Variants in RLBP1 observed in about 807,000 individuals in gnomAD.
RLBP1 encodes retinaldehyde-binding protein 1.
Under a neutral mutation model 36.2 loss-of-function variants are expected in RLBP1, and 26 were observed. That is an observed-to-expected ratio of 0.72 (90% CI 0.53 to 1.00). The LOEUF is 1.00. Ranked by LOEUF, RLBP1 falls within the 50% of genes least tolerant of loss-of-function variation. The pLI is 0.00. For synonymous variants in RLBP1, 155 were observed against 156.2 expected (o/e 0.99, Z 0.06); for missense variants, 410 against 402.4 (o/e 1.02, Z -0.16).
Position 89,209,933 on chromosome 15 carries a change from C to T in RLBP1, c.*352G>A, listed in dbSNP as rs910995022. On this transcript the variant is annotated 3_prime_UTR_variant, in exon 9 of 9. Coordinates refer to ENST00000268125, the MANE Select transcript of RLBP1 (RefSeq NM_000326.5). ...GAATAGGGGGATATTTTAACCCGGG[C>T]TCCTTGCCTGTTTTCACAGACTCTA... The T allele has an allele frequency of 1.5e-5, 5 of 334,976 alleles. No individual in the cohort carries two copies. The highest frequency in any genetic ancestry group is 4.4e-5 in the Admixed American group (1 of 22,850). 20.8% of individuals were successfully genotyped at this position (334,976 alleles called of 1,614,324 possible). A position where few individuals can be genotyped will look rare whatever the true frequency, so the allele number is the denominator to read the frequency against.
At chr15:89,213,120 TAGGCAG>T (rs2051552374) in intron 6 of RLBP1, among the ~76,000 whole-genome samples, 1 of 152,166 alleles carries the variant, frequency 6.6e-6, no homozygotes, top group Admixed American at 6.5e-5. Flanking sequence ...TACACACAGA[TAGGCAG>T]GTGTGCATTT....
Position 89,212,049 on chromosome 15 carries a change from T to C in RLBP1, c.526-148A>G, listed in dbSNP as rs1266052550. On this transcript the variant is annotated intron_variant, in intron 6 of 8. Coordinates refer to ENST00000268125, the MANE Select transcript of RLBP1 (RefSeq NM_000326.5). Reference sequence around the variant, plus strand: ...CGGACATTCCACTTCTGTGAATGTATACCAAGAAAACAAGTTCAAATGTCA... The same window carrying C: ...CGGACATTCCACTTCTGTGAATGTACACCAAGAAAACAAGTTCAAATGTCA... 7 of 843,432 alleles carry C rather than the reference T, an allele frequency of 8.3e-6. No homozygotes were observed. The African/African-American group carries it at 1.0e-4, about 12-fold the overall frequency. 52.2% of individuals were successfully genotyped at this position (843,432 alleles called of 1,614,324 possible).
intron 6 of RLBP1, among the ~76,000 whole-genome samples, chr15:89,212,736 A>ATT (rs111726236): frequency 2.6e-4 from 39 of 149,924 alleles, no homozygotes; most frequent in African/African-American, 7.6e-4. Flanking sequence ...TTTGTCTGTA[A>ATT]TTTTTTTTTT....
intron 5 of RLBP1, among the ~76,000 whole-genome samples, chr15:89,215,489 A>G (rs2051572930): frequency 6.6e-6 from 1 of 152,242 alleles, no homozygotes; most frequent in Admixed American, 6.5e-5. Context: ...TTCAAGGTGT[A>G]AACATCATCA....
At chr15:89,220,215 C>T (rs2051615307) in intron 1 of RLBP1, among the ~76,000 whole-genome samples, 1 of 152,122 alleles carries the variant, frequency 6.6e-6, no homozygotes, top group Non-Finnish European at 1.5e-5. Flanking sequence ...GGAGAGCTGG[C>T]GTCATAGAAA....
intron 4 of RLBP1, among the ~76,000 whole-genome samples, chr15:89,217,826 C>G (rs1341697106): frequency 1.3e-5 from 2 of 152,226 alleles, no homozygotes; most frequent in African/African-American, 4.8e-5. Flanking sequence ...ACACGGCTCT[C>G]TGGCAGATGG....
chr15:89,210,939 G>A lies in RLBP1; in HGVS notation c.685-130C>T, dbSNP rs2051533102. On this transcript the variant is annotated intron_variant, in intron 7 of 8. Transcript: ENST00000268125. This position sits in a 1 kb window ranked among gnomAD's most constrained non-coding sequence, Gnocchi z 4.7. ...GCATCACAGGGCTGCCCTGGAGAAG[G>A]GCCCACTGAAGGTCCTATTTCCAGG... 1 of 652,170 alleles carries A rather than the reference G, an allele frequency of 1.5e-6. No individual in the cohort carries two copies. Among genetic ancestry groups the A allele is most frequent in the Admixed American group, 2.2e-5 (1 of 44,702 alleles). The allele number at this position is 652,170 out of a possible 1,614,324, so 40.4% of individuals were successfully genotyped here.
In RLBP1 at chr15:89,221,059, G is replaced by T. The variant is rs543871271; in HGVS notation, c.-224+476C>A. On this transcript the variant is annotated intron_variant, in intron 1 of 8. Coordinates refer to ENST00000268125, the MANE Select transcript of RLBP1 (RefSeq NM_000326.5). ...TTTTGTTCTTGTCGCCCAGGCTAGA[G>T]TGCAATGGTGCGATCTCAGCTCACT... is the stretch of plus-strand genomic sequence containing the variant. Among the ~76,000 whole-genome samples, 6 of 146,210 alleles carry T rather than the reference G, an allele frequency of 4.1e-5. No individual in the cohort carries two copies. The South Asian group carries it at 1.1e-3, about 26-fold the overall frequency.
chr15:89,218,497 G>C lies in RLBP1; in HGVS notation c.141+68C>G. ...GGCTGGACCCTTTTCACAGGAGAGAGAATGCAGTCATGTTCCCCTCATGTT... is the reference window on the plus strand; with the variant it reads ...GGCTGGACCCTTTTCACAGGAGAGACAATGCAGTCATGTTCCCCTCATGTT... On this transcript the variant is annotated intron_variant, in intron 4 of 8. Transcript: ENST00000268125. The surrounding 1 kb of genome is among the most constrained non-coding windows in gnomAD (Gnocchi z 4.6). 1 of 1,606,596 alleles carries C rather than the reference G, an allele frequency of 6.2e-7. No individual in the cohort carries two copies. The highest frequency in any genetic ancestry group is 8.5e-7 in the Non-Finnish European group (1 of 1,174,474).
chr15:89,217,899 G>A (rs979119706), intron 4 of RLBP1, among the ~76,000 whole-genome samples: 7 of 152,110 alleles, frequency 4.6e-5, no homozygotes, highest in African/African-American at 1.2e-4. Flanking sequence ...GAACTCCTCC[G>A]TGCGCCTCAG....
intron 1 of RLBP1, 45 bp downstream of exon 1, chr15:89,221,490 A>C (rs1266102353): frequency 6.6e-6 from 1 of 152,158 alleles, no homozygotes; most frequent in Non-Finnish European, 1.5e-5. Context: ...TCCTCACCCC[A>C]GTCCTGGGCT....
intron 4 of RLBP1, among the ~76,000 whole-genome samples, chr15:89,217,693 A>T (rs1218408353): frequency 6.6e-6 from 1 of 152,226 alleles, no homozygotes; most frequent in Non-Finnish European, 1.5e-5. Context: ...GAGCAGACTG[A>T]GGCTCATAAA....
rs181299517 is a variant in RLBP1, at chr15:89,209,930, G to A, written c.*355C>T. The A allele has an allele frequency of 1.7e-4, 53 of 315,376 alleles. No individual in the cohort carries two copies. The highest frequency in any genetic ancestry group is 2.1e-3 in the Middle Eastern group (2 of 944). The allele number at this position is 315,376 out of a possible 1,614,324, so 19.5% of individuals were successfully genotyped here. On this transcript the variant is annotated 3_prime_UTR_variant, in exon 9 of 9. Coordinates refer to ENST00000268125, the MANE Select transcript of RLBP1 (RefSeq NM_000326.5). The stretch of plus-strand genomic sequence containing the variant: ...GGCGAATAGGGGGATATTTTAACCC[G>A]GGCTCCTTGCCTGTTTTCACAGACT...
chr15:89,210,075 A>T lies in RLBP1; in HGVS notation c.*210T>A. The T allele has an allele frequency of 3.3e-6, 2 of 599,940 alleles. No homozygotes were observed. Among genetic ancestry groups the T allele is most frequent in the Non-Finnish European group, 5.9e-6 (2 of 336,574 alleles). 37.2% of individuals were successfully genotyped at this position (599,940 alleles called of 1,614,324 possible). A position where few individuals can be genotyped will look rare whatever the true frequency, so the allele number is the denominator to read the frequency against. On this transcript the variant is annotated 3_prime_UTR_variant, in exon 9 of 9. Transcript: ENST00000268125. This position sits in a 1 kb window ranked among gnomAD's most constrained non-coding sequence, Gnocchi z 4.7. ...TTCAAGGGCAGGTGGAAATATAACT[A>T]TCCCCAGTTCTTCTTGTTCAAGGGA...
intron 1 of RLBP1, 105 bp downstream of exon 1, chr15:89,221,430 G>T (rs970157507): frequency 6.6e-6 from 1 of 152,148 alleles, no homozygotes; most frequent in Admixed American, 6.5e-5. Context: ...ATGGCCAGGT[G>T]GTTTCAGTTT....
rs1189150919 is a variant in RLBP1 at position 89,218,685 on chromosome 15, C to T, written c.21G>A (p.Thr7=). The T allele has an allele frequency of 5.6e-6, 9 of 1,613,996 alleles. No individual in the cohort carries two copies. The highest frequency in any genetic ancestry group is 1.1e-5 in the South Asian group (1 of 91,086). The part of the protein sequence containing the change: MSEGVG[T]FRMVPEEEQE... Reference sequence around the variant, plus strand: ...GTTCCTCTTCAGGTACCATGCGGAACGTGCCCACCTGGGCAGAGAAAGGAA... The same window carrying T: ...GTTCCTCTTCAGGTACCATGCGGAATGTGCCCACCTGGGCAGAGAAAGGAA... Residue 7 remains threonine, a synonymous_variant, in exon 4 of 9, where the codon ACG becomes ACA. Coordinates refer to ENST00000268125, the MANE Select transcript of RLBP1 (RefSeq NM_000326.5). The surrounding 1 kb of genome is among the most constrained non-coding windows in gnomAD (Gnocchi z 4.6).
chr15:89,212,624 G>A (rs568917330), intron 6 of RLBP1, among the ~76,000 whole-genome samples: 56 of 130,054 alleles, frequency 4.3e-4, no homozygotes, highest in African/African-American at 1.6e-3. Context: ...GTGTGTGTGC[G>A]CGTGTGTGTG....
rs185014529 is a variant in RLBP1, at chr15:89,210,499, G to C, written c.796-56C>G. On this transcript the variant is annotated intron_variant, in intron 8 of 8. Coordinates refer to ENST00000268125, the MANE Select transcript of RLBP1 (RefSeq NM_000326.5). The surrounding 1 kb of genome is among the most constrained non-coding windows in gnomAD (Gnocchi z 4.7). ...CAGGAGGAGGTGCCCTAAGGATGAG[G>C]GTTGAGGGAGGAAAGGGGCAGGAGG... The C allele has an allele frequency of 3.1e-5, 50 of 1,592,262 alleles. No individual in the cohort carries two copies. The highest frequency in any genetic ancestry group is 4.3e-5 in the Non-Finnish European group (50 of 1,160,870).
Position 89,210,536 on chromosome 15 carries a change from T to C in RLBP1, c.796-93A>G, listed in dbSNP as rs1434765093. ...AAAGGGGCAGGAGGACAAAGCCCCATCATGTGCAGTCTTTGCCTGGCGACA... is the reference window on the plus strand; with the variant it reads ...AAAGGGGCAGGAGGACAAAGCCCCACCATGTGCAGTCTTTGCCTGGCGACA... On this transcript the variant is annotated intron_variant, in intron 8 of 8. Coordinates refer to ENST00000268125, the MANE Select transcript of RLBP1 (RefSeq NM_000326.5). This position sits in a 1 kb window ranked among gnomAD's most constrained non-coding sequence, Gnocchi z 4.7. 2 of 1,449,102 alleles carry C rather than the reference T, an allele frequency of 1.4e-6. No individual in the cohort carries two copies. Among genetic ancestry groups the C allele is most frequent in the African/African-American group, 2.8e-5 (2 of 71,678 alleles). The allele number at this position is 1,449,102 out of a possible 1,614,324, so 89.8% of individuals were successfully genotyped here. A position where few individuals can be genotyped will look rare whatever the true frequency, so the allele number is the denominator to read the frequency against.
Sources: allele counts gnomAD v4.1 joint callset (sites outside exome capture counted in the v4.1 genomes callset), GRCh38; gene constraint gnomAD v4.1.1; non-coding constraint Gnocchi (gnomAD v3.1); transcripts MANE v1.5; gene names NCBI Gene and HGNC (gene_info 2026-07-23, HGNC 2026-07-21).